Variants in UBE3D observed in about 807,000 individuals in gnomAD.
The protein encoded by UBE3D is E3 ubiquitin-protein ligase E3D.
In UBE3D, 48 loss-of-function variants were observed where a neutral mutation model predicts 49.6. The observed-to-expected ratio is 0.97, with a 90% CI of 0.77 to 1.23. The LOEUF is 1.23. UBE3D is among the 50% of genes most tolerant of loss of function. The pLI, the probability that UBE3D is intolerant of heterozygous loss-of-function variation, is 0.00. For missense variants in UBE3D, 452 were observed against 468.4 expected (o/e 0.96, Z 0.32); for synonymous variants, 189 against 174.2 (o/e 1.08, Z -0.67).
intron 9 of UBE3D, among the ~76,000 whole-genome samples, chr6:82,895,302 G>A (rs1012422214): frequency 2.0e-5 from 3 of 152,158 alleles, no homozygotes; most frequent in African/African-American, 7.2e-5. Flanking sequence ...CAGACGGAGA[G>A]TCTGTCTCAA....
rs116876949 is a variant in UBE3D at position 82,900,776 on chromosome 6, T to A, written c.1150-7734A>T. Among the ~76,000 whole-genome samples, 1,456 of 152,256 alleles carry A rather than the reference T, an allele frequency of 9.6e-3. 10 individuals carry two copies. The highest frequency in any genetic ancestry group is 0.019 in the South Asian group (90 of 4,830). On this transcript the variant is annotated intron_variant, in intron 9 of 9. Transcript: ENST00000369747. ...GAATAATTCTGTCCAGCAGGAAGAATGGCAAAAGGTGACCTAACACATTTT... is the reference window on the plus strand; with the variant it reads ...GAATAATTCTGTCCAGCAGGAAGAAAGGCAAAAGGTGACCTAACACATTTT...
chr6:82,927,949 G>A (rs1235013221), intron 9 of UBE3D, among the ~76,000 whole-genome samples: 2 of 151,908 alleles, frequency 1.3e-5, no homozygotes, highest in Non-Finnish European at 2.9e-5. Context: ...AAACTACTCT[G>A]TATGATACTA....
intron 9 of UBE3D, among the ~76,000 whole-genome samples, chr6:82,933,071 G>T (rs1774289803): frequency 6.6e-6 from 1 of 151,802 alleles, no homozygotes; most frequent in South Asian, 2.1e-4. Context: ...GCAGATTTGG[G>T]TTTTTTTGGG....
intron 9 of UBE3D, among the ~76,000 whole-genome samples, chr6:82,898,713 A>T (rs1771515564): frequency 6.6e-6 from 1 of 152,150 alleles, no homozygotes; most frequent in Non-Finnish European, 1.5e-5. Flanking sequence ...GCATTAGGAG[A>T]AATACCTAAT....
chr6:82,977,261 A>AT (rs1200084679), intron 8 of UBE3D, among the ~76,000 whole-genome samples: 1 of 151,770 alleles, frequency 6.6e-6, no homozygotes, highest in Non-Finnish European at 1.5e-5. Context: ...CATGATCTCT[A>AT]TCAGATATGC....
At chr6:82,929,514 C>T (rs1416432728) in intron 9 of UBE3D, among the ~76,000 whole-genome samples, 2 of 151,232 alleles carry the variant, frequency 1.3e-5, no homozygotes, top group Non-Finnish European at 2.9e-5. Context: ...TAAAGATGCC[C>T]TTTTCTGTCA....
At position 83,044,413 on chromosome 6, in the gene UBE3D, G is replaced by T. The variant is rs1358107559; in HGVS notation, c.597+15C>A. 2.5e-6 allele frequency: 4 copies of T among 1,607,228 alleles called. No individual in the cohort carries two copies. Among genetic ancestry groups the T allele is most frequent in the Non-Finnish European group, 3.4e-6 (4 of 1,174,074 alleles). ...CAGCCTCTAAATTACCATTTATTTT[G>T]AAATGATATTTTACCAATTTACAAT... On this transcript the variant is annotated intron_variant, in intron 4 of 9. Transcript: ENST00000369747.
chr6:83,060,178 A>G (rs1453654665), intron 1 of UBE3D, among the ~76,000 whole-genome samples: 1 of 152,094 alleles, frequency 6.6e-6, no homozygotes. Context: ...GGACACAAAC[A>G]TTCAGTCCAT....
chr6:82,925,599 G>C (rs1012995796), intron 9 of UBE3D, among the ~76,000 whole-genome samples: 2 of 152,108 alleles, frequency 1.3e-5, no homozygotes, highest in African/African-American at 4.8e-5. Flanking sequence ...AGAGTCACCT[G>C]TGTAAATAAT....
At chr6:83,055,242 T>G in intron 2 of UBE3D, among the ~76,000 whole-genome samples, 1 of 152,332 alleles carries the variant, frequency 6.6e-6, no homozygotes, top group East Asian at 1.9e-4. Flanking sequence ...AACTTTCATT[T>G]AAAAGAATGA....
At chr6:82,894,162 A>C (rs978126820) in intron 9 of UBE3D, 3 of 152,286 alleles carry the variant, frequency 2.0e-5, no homozygotes, top group African/African-American at 7.2e-5. Flanking sequence ...TTGTTAGTTC[A>C]AGCTGCACCA....
intron 9 of UBE3D, among the ~76,000 whole-genome samples, chr6:82,914,488 C>A (rs1266633895): frequency 6.6e-6 from 1 of 152,088 alleles, no homozygotes; most frequent in African/African-American, 2.4e-5. Context: ...CAGACACAGA[C>A]GACATGGGGT....
intron 8 of UBE3D, among the ~76,000 whole-genome samples, chr6:82,993,832 A>C (rs2127735707): frequency 1.3e-5 from 2 of 152,346 alleles, no homozygotes; most frequent in South Asian, 4.1e-4. Flanking sequence ...AGAATTTATC[A>C]AAAGTGTATT....
chr6:82,977,730 C>T (rs1293785764), intron 8 of UBE3D, among the ~76,000 whole-genome samples: 1 of 152,046 alleles, frequency 6.6e-6, no homozygotes. Flanking sequence ...CCCAGCTACT[C>T]AGGAGGCTGA....
At chr6:83,054,313 C>A in intron 2 of UBE3D, 75 bp from the exon 3 acceptor site, 1 of 1,126,866 alleles carries the variant, frequency 8.9e-7, no homozygotes, top group South Asian at 1.3e-5. Flanking sequence ...AGTTCAATAG[C>A]CACGATAAAT....
intron 9 of UBE3D, among the ~76,000 whole-genome samples, chr6:82,953,467 T>C (rs1362618783): frequency 6.6e-6 from 1 of 152,208 alleles, no homozygotes; most frequent in African/African-American, 2.4e-5. Context: ...ACCTTATCTG[T>C]TGAGTCTAGC....
intron 8 of UBE3D, among the ~76,000 whole-genome samples, chr6:82,999,947 AT>A (rs1441905214): frequency 6.6e-6 from 1 of 152,152 alleles, no homozygotes; most frequent in Non-Finnish European, 1.5e-5. Flanking sequence ...TACATTCAAC[AT>A]CTTACCTGAC....
intron 9 of UBE3D, among the ~76,000 whole-genome samples, chr6:82,910,623 G>A (rs997396045): frequency 6.6e-6 from 1 of 152,190 alleles, no homozygotes; most frequent in African/African-American, 2.4e-5. Context: ...GTTCTGCAGA[G>A]ACGGCTGTCA....
intron 9 of UBE3D, among the ~76,000 whole-genome samples, chr6:82,940,147 C>T (rs1774904515): frequency 2.0e-5 from 3 of 152,140 alleles, no homozygotes; most frequent in African/African-American, 7.2e-5. Flanking sequence ...TCTGCCTGGC[C>T]CCATCCTCCA....
Sources: allele counts gnomAD v4.1 joint callset (sites outside exome capture counted in the v4.1 genomes callset), GRCh38; gene constraint gnomAD v4.1.1; transcripts MANE v1.5; gene names NCBI Gene and HGNC (gene_info 2026-07-23, HGNC 2026-07-21).